CFAP69: variants seen among roughly 807,000 people sequenced by gnomAD.
CFAP69 encodes cilia- and flagella-associated protein 69.
CFAP69 carries 92 observed loss-of-function variants against 123.0 expected under a neutral mutation model. The ratio of observed to expected loss-of-function variants is 0.75; its 90% CI spans 0.63 to 0.89. The LOEUF is 0.89. Ranked by LOEUF, CFAP69 falls within the 40% of genes least tolerant of loss-of-function variation. The pLI, the probability that CFAP69 is intolerant of heterozygous loss-of-function variation, is 0.00. For synonymous variants in CFAP69, 380 were observed against 364.3 expected (o/e 1.04, Z -0.49); for missense variants, 1,067 against 1,096.9 (o/e 0.97, Z 0.39).
At chr7:90,319,042 A>G in the CFAP69 span, 1 of 217,820 alleles carries the variant, frequency 4.6e-6, no homozygotes, top group Non-Finnish European at 8.9e-6. Flanking sequence ...AATTTCTTCA[A>G]CAAATGTAAT....
chr7:90,310,242 A>G lies in CFAP69; in HGVS notation c.*4A>G, dbSNP rs749808500. ...AAAAAAGAGTATTCCTACGTAATAT[A>G]CTATAGAGACTTTTTGAAATAAAGT... On this transcript the variant is annotated 3_prime_UTR_variant, in exon 23 of 23. Transcript: ENST00000389297. 83 of 1,582,406 alleles carry G rather than the reference A, an allele frequency of 5.2e-5. No individual in the cohort carries two copies. Among genetic ancestry groups the G allele is most frequent in the Non-Finnish European group, 7.0e-5 (81 of 1,162,834 alleles).
downstream of CFAP69, among the ~76,000 whole-genome samples, chr7:90,314,474 A>G (rs1332559039): frequency 6.6e-6 from 1 of 151,942 alleles, no homozygotes; most frequent in Non-Finnish European, 1.5e-5. Flanking sequence ...AAATACAAAA[A>G]TTATTTGGGA....
rs1295334588 is a variant in CFAP69, at chr7:90,310,201, A to T, written c.2789A>T (p.Lys930Ile). Residue 930 changes from lysine (K) to isoleucine (I), a missense_variant, in exon 23 of 23, where the codon AAA becomes ATA. Coordinates refer to ENST00000389297, the MANE Select transcript of CFAP69 (RefSeq NM_001039706.3). ...GGALQRVKAV[K>I]IVDAPKKSIP... ...GCCTTGCAGAGGGTGAAAGCAGTTA[A>T]AATTGTGGATGCACCAAAAAAGAGT... 6.2e-7 allele frequency: 1 copy of T among 1,613,776 alleles called. No homozygotes were observed. Among genetic ancestry groups the T allele is most frequent in the Non-Finnish European group, 8.5e-7 (1 of 1,179,886 alleles).
chr7:90,289,126 A>G (rs1273194612), intron 15 of CFAP69, among the ~76,000 whole-genome samples: 1 of 152,054 alleles, frequency 6.6e-6, no homozygotes, highest in Non-Finnish European at 1.5e-5. Flanking sequence ...ATTTGTGTGC[A>G]TATATTTTAT....
Position 90,282,958 on chromosome 7 carries a change from T to G in CFAP69, c.1439T>G (p.Met480Arg). 1 of 1,600,680 alleles carries G rather than the reference T, an allele frequency of 6.2e-7. No homozygotes were observed. Among genetic ancestry groups the G allele is most frequent in the South Asian group, 1.1e-5 (1 of 88,814 alleles). ...GGCCGAGGCAACAAGTTTGCCCAGATGCGTTACAGTTTAAGACTCCTGAGA... is the reference window on the plus strand; with the variant it reads ...GGCCGAGGCAACAAGTTTGCCCAGAGGCGTTACAGTTTAAGACTCCTGAGA... ...TGGRGNKFAQ[M>R]RYSLRLLRAV... Residue 480 changes from methionine (M) to arginine (R), a missense_variant, in exon 13 of 23, where the codon ATG (methionine) becomes AGG (arginine). Coordinates refer to ENST00000389297, the MANE Select transcript of CFAP69 (RefSeq NM_001039706.3).
intron 14 of CFAP69, chr7:90,287,821 T>C: frequency 1.2e-6 from 1 of 839,456 alleles, no homozygotes; most frequent in Non-Finnish European, 1.4e-6. Flanking sequence ...ACTACATTTA[T>C]ATCTTATTTC....
chr7:90,279,973 CAATG>C (rs1789223629), intron 12 of CFAP69, 80 bp downstream of exon 12: 1 of 1,043,340 alleles, frequency 9.6e-7, no homozygotes, highest in Non-Finnish European at 1.3e-6. Context: ...ATAGAAATAA[CAATG>C]AAGTTAATTA....
intron 6 of CFAP69, 27 bp from the exon 7 acceptor site, chr7:90,271,499 A>T (rs762485438): frequency 6.3e-7 from 1 of 1,592,274 alleles, no homozygotes; most frequent in African/African-American, 1.3e-5. Context: ...AGATAACTGT[A>T]TGTATTTATT....
At chr7:90,290,376 G>A (rs1790952244) in intron 15 of CFAP69, among the ~76,000 whole-genome samples, 1 of 152,134 alleles carries the variant, frequency 6.6e-6, no homozygotes, top group Non-Finnish European at 1.5e-5. Flanking sequence ...ATTTCCATTT[G>A]AGTCTGAAAA....
chr7:90,278,446 C>T (rs1160940364), intron 11 of CFAP69, among the ~76,000 whole-genome samples: 1 of 152,042 alleles, frequency 6.6e-6, no homozygotes, highest in Non-Finnish European at 1.5e-5. Context: ...AAAATACATA[C>T]TGTGTAGAAC....
rs991145626 is a variant in CFAP69 at position 90,284,423 on chromosome 7, C to G, written c.1537+1367C>G. On this transcript the variant is annotated intron_variant, in intron 13 of 22. Transcript: ENST00000389297. ...CCAAAAACCACCTATTCCCCAAAAA[C>G]TATTGAAATAAAATATAAATGTTTA... Among the ~76,000 whole-genome samples the G allele has an allele frequency of 3.3e-5, 5 of 152,140 alleles. No individual in the cohort carries two copies. In the South Asian group the frequency reaches 1.0e-3, roughly 32 times the overall value.
At chr7:90,262,173 C>T (rs564698920) in intron 4 of CFAP69, 117 bp downstream of exon 4, 33 of 613,052 alleles carry the variant, frequency 5.4e-5, no homozygotes, top group Non-Finnish European at 7.9e-5. Context: ...ACTCAGAAAA[C>T]TTCAGTTCAT....
chr7:90,313,218 C>T (rs1794472635), downstream of CFAP69, among the ~76,000 whole-genome samples: 1 of 152,174 alleles, frequency 6.6e-6, no homozygotes, highest in African/African-American at 2.4e-5. Context: ...TTTGTTAATA[C>T]TCCTCTAAAC....
rs200435391 is a variant in CFAP69 at position 90,310,039 on chromosome 7, T to A, written c.2656-29T>A. Reference sequence around the variant, plus strand: ...CTTGTTGAAAATTGTGTAAATGGACTTTTAGATATTTACCTTTTGCCTTTT... The same window carrying A: ...CTTGTTGAAAATTGTGTAAATGGACATTTAGATATTTACCTTTTGCCTTTT... On this transcript the variant is annotated intron_variant, in intron 22 of 22. Transcript: ENST00000389297. 1.7e-3 allele frequency: 2,667 copies of A among 1,575,742 alleles called. 5 individuals are homozygous for A. The highest frequency in any genetic ancestry group is 1.8e-3 in the Non-Finnish European group (2,088 of 1,156,840).
chr7:90,262,977 T>C (rs1798536654), intron 4 of CFAP69, among the ~76,000 whole-genome samples: 1 of 152,044 alleles, frequency 6.6e-6, no homozygotes, highest in Non-Finnish European at 1.5e-5. Flanking sequence ...ACAGGTACAA[T>C]GGAAAATAAA....
At chr7:90,311,754 A>T (rs6948214), downstream of CFAP69, among the ~76,000 whole-genome samples, 123,320 of 152,072 alleles carry the variant, frequency 0.81, 50,245 homozygotes, top group East Asian at 1. Flanking sequence ...AGTTCACCTT[A>T]GATTGGCGGC....
At chr7:90,303,670 T>C in intron 17 of CFAP69, 1 of 993,182 alleles carries the variant, frequency 1.0e-6, no homozygotes, top group Non-Finnish European at 1.2e-6. Context: ...ACTCAAGTTC[T>C]GGATTTCAAA....
In CFAP69 at chr7:90,255,882, T is replaced by G. The variant is rs189365581; in HGVS notation, c.180+400T>G. On this transcript the variant is annotated intron_variant, in intron 2 of 22. Coordinates refer to ENST00000389297, the MANE Select transcript of CFAP69 (RefSeq NM_001039706.3). ...ATACACACAAACATGTACACATAGA[T>G]AATTTATTTTGAGAACAATCATATA... is the stretch of plus-strand genomic sequence containing the variant. Among the ~76,000 whole-genome samples, 554 of 152,290 alleles carry G rather than the reference T, an allele frequency of 3.6e-3. 2 individuals carry two copies. Among genetic ancestry groups the G allele is most frequent in the African/African-American group, 0.013 (532 of 41,568 alleles).
intron 17 of CFAP69, chr7:90,303,074 T>C (rs1793051480): frequency 6.6e-6 from 1 of 152,180 alleles, no homozygotes; most frequent in African/African-American, 2.4e-5. Context: ...ATTCTTTTTA[T>C]GGCAATTGTG....
Sources: allele counts gnomAD v4.1 joint callset (sites outside exome capture counted in the v4.1 genomes callset), GRCh38; gene constraint gnomAD v4.1.1; transcripts MANE v1.5; gene names NCBI Gene and HGNC (gene_info 2026-07-23, HGNC 2026-07-21).